The following SLX4 variants were observed in gnomAD, a reference collection of about 807,000 sequenced individuals.
The protein encoded by SLX4 is structure-specific endonuclease subunit SLX4.
A neutral mutation model predicts 146.2 loss-of-function variants in SLX4; 112 were observed. The observed-to-expected ratio is 0.77, with a 90% CI of 0.66 to 0.90. SLX4 has a LOEUF of 0.90. Among genes scored for constraint, SLX4 ranks in the 40% least tolerant of loss-of-function variants. The pLI, the probability that SLX4 is intolerant of heterozygous loss-of-function variation, is 0.00. For missense variants in SLX4, 2,563 were observed against 2,392.7 expected, an observed-to-expected ratio of 1.07 and a Z score of -1.49; for synonymous variants, 1,061 against 997.7, an observed-to-expected ratio of 1.06 and a Z score of -1.20.
chr16:3,584,944 G>T lies in SLX4; in HGVS notation c.4637-73C>A. The T allele has an allele frequency of 2.8e-6, 3 of 1,072,916 alleles. No individual in the cohort carries two copies. The South Asian group carries it at 3.7e-5, about 13-fold the overall frequency. The allele number at this position is 1,072,916 out of a possible 1,614,324, so 66.5% of individuals were successfully genotyped here. ...TTCCCACATCTGATCCCAGTAGCGT[G>T]ACCAAGAGGAATAATGCACTTGAAG... On this transcript the variant is annotated intron_variant, in intron 12 of 14. Coordinates refer to ENST00000294008, the MANE Select transcript of SLX4 (RefSeq NM_032444.4).
chr16:3,597,677 T>C lies in SLX4; in HGVS notation c.1385A>G (p.Lys462Arg), dbSNP rs112133511. Residue 462 changes from lysine to arginine, a missense_variant, in exon 7 of 15, where the codon AAG (lysine) becomes AGG (arginine). Transcript: ENST00000294008. The surrounding 1 kb of genome is among the most constrained non-coding windows in gnomAD (Gnocchi z 4.4). ...RPEAENKSRK[K>R]KPPVSPPLLL... The stretch of plus-strand genomic sequence containing the variant: ...CAATGGGGGGGATACCGGGGGTTTC[T>C]TCTTGCGACTTTTATTCTCTAGAGA... 1.9e-5 allele frequency: 30 copies of C among 1,613,946 alleles called. No individual in the cohort carries two copies. In the African/African-American group the frequency reaches 2.4e-4, roughly 13 times the overall value.
At chr16:3,602,404 G>C in intron 3 of SLX4, 97 bp from the exon 4 acceptor site, 1 of 1,453,374 alleles carries the variant, frequency 6.9e-7, no homozygotes, top group African/African-American at 1.4e-5. Flanking sequence ...ATGGGGAGCA[G>C]GTGGAACGCA....
intron 12 of SLX4, among the ~76,000 whole-genome samples, chr16:3,587,599 G>A (rs768743476): frequency 5.3e-4 from 81 of 152,282 alleles, no homozygotes; most frequent in Non-Finnish European, 6.2e-4. Context: ...TGGCCGCAGC[G>A]TCGTCCTGAA....
chr16:3,606,230 G>A (rs1001372407), intron 3 of SLX4, among the ~76,000 whole-genome samples: 12 of 152,020 alleles, frequency 7.9e-5, no homozygotes, highest in Non-Finnish European at 1.6e-4. Flanking sequence ...CAGCCTGGGT[G>A]ACAGAGCAAG....
chr16:3,583,571 C>T, intron 13 of SLX4, 61 bp from the exon 14 acceptor site: 1 of 1,588,220 alleles, frequency 6.3e-7, no homozygotes, highest in Non-Finnish European at 8.6e-7. Context: ...ACTCCACGTT[C>T]CCTATCTTAG....
Position 3,589,370 on chromosome 16 carries a change from A to G in SLX4, c.4268T>C (p.Ile1423Thr), listed in dbSNP as rs1056055996. The change falls in exon 12 of 15, where the codon ATT (isoleucine) becomes ACT (threonine). Residue 1423 changes from isoleucine to threonine, a missense_variant. By Grantham distance (89) the Ile-to-Thr change is moderately conservative (BLOSUM62 -1). Transcript: ENST00000294008. This position sits in a 1 kb window ranked among gnomAD's most constrained non-coding sequence, Gnocchi z 6.2. ...CTCCATGTGCCAGCAGCAGTCGTCA[A>G]TTGGAATTGGGGGGTCACTGTCCAG... The part of the protein sequence containing the change: ...PPLDSDPPIP[I>T]DDCCWHMEPL... 10 of 1,587,468 alleles carry G rather than the reference A, an allele frequency of 6.3e-6. No homozygotes were observed. In the African/African-American group the frequency reaches 9.5e-5, roughly 15 times the overall value.
chr16:3,606,080 C>T (rs926067997), intron 3 of SLX4, among the ~76,000 whole-genome samples: 5 of 151,336 alleles, frequency 3.3e-5, no homozygotes, highest in East Asian at 1.9e-4. Context: ...GCCAACTTGG[C>T]GAAACCCTGT....
intron 4 of SLX4, chr16:3,601,529 A>C: frequency 2.6e-6 from 1 of 384,564 alleles, no homozygotes; most frequent in Non-Finnish European, 4.9e-6. Context: ...CCACAATCCC[A>C]AAGGGTAGAA....
Position 3,609,263 on chromosome 16 carries a change from C to T in SLX4, c.-299G>A, listed in dbSNP as rs746929953. On this transcript the variant is annotated 5_prime_UTR_variant, in exon 2 of 15. Coordinates refer to ENST00000294008, the MANE Select transcript of SLX4 (RefSeq NM_032444.4). ...TTCAACTGAAAATACAAAAAATTGGCCAGGCGTGGTAGCAGATGCCTGTAA... is the reference window on the plus strand; with the variant it reads ...TTCAACTGAAAATACAAAAAATTGGTCAGGCGTGGTAGCAGATGCCTGTAA... The T allele has an allele frequency of 1.1e-5, 4 of 348,824 alleles. No homozygotes were observed. The highest frequency in any genetic ancestry group is 1.7e-5 in the Non-Finnish European group (3 of 180,616). 21.6% of individuals were successfully genotyped at this position (348,824 alleles called of 1,614,324 possible).
intron 1 of SLX4, among the ~76,000 whole-genome samples, chr16:3,610,587 T>G (rs1352079764): frequency 6.6e-6 from 1 of 152,196 alleles, no homozygotes; most frequent in Non-Finnish European, 1.5e-5. Flanking sequence ...CTAAAGCCAG[T>G]TCAGGAACAG....
At position 3,583,334 on chromosome 16, in the gene SLX4, G is replaced by C. The variant is rs200899425; in HGVS notation, c.4916C>G (p.Ala1639Gly). ...GGCCTCCTGCTGGGCATGGACCCCT[G>C]CCCTTGAAGGCTTGTAGGTCTGGGA... ...LASQTYKPSRAGVHAQQEATT... is the reference protein window; with the variant it reads ...LASQTYKPSRGGVHAQQEATT... The change falls in exon 14 of 15, where the codon GCA (alanine) becomes GGA (glycine). Residue 1639 changes from alanine (A) to glycine (G), a missense_variant. By Grantham distance (60) the Ala-to-Gly change is moderately conservative (BLOSUM62 0). Transcript: ENST00000294008. 6 of 1,613,894 alleles carry C rather than the reference G, an allele frequency of 3.7e-6. No homozygotes were observed. The African/African-American group carries it at 8.0e-5, about 22-fold the overall frequency.
chr16:3,584,438 C>T (rs1165823316), intron 13 of SLX4, among the ~76,000 whole-genome samples: 1 of 152,122 alleles, frequency 6.6e-6, no homozygotes, highest in Non-Finnish European at 1.5e-5. Context: ...AAAAATCAGA[C>T]CTCCTCACTC....
rs2040734821 is a variant in SLX4 at position 3,602,204 on chromosome 16, C to T, written c.864G>A (p.Leu288=). 1 of 1,614,180 alleles carries T rather than the reference C, an allele frequency of 6.2e-7. No individual in the cohort carries two copies. The highest frequency in any genetic ancestry group is 8.5e-7 in the Non-Finnish European group (1 of 1,180,038). ...GGCAGAAGAACAAACCCTTTTCCTCCAGGCTATCATCATGTGCCGATGCTC... is the reference window on the plus strand; with the variant it reads ...GGCAGAAGAACAAACCCTTTTCCTCTAGGCTATCATCATGTGCCGATGCTC... The part of the protein sequence containing the change: ...RVGASAHDDS[L]EEKGLFFCQI... The change falls in exon 4 of 15, where the codon CTG becomes CTA. Residue 288 remains leucine (L), a synonymous_variant. Transcript: ENST00000294008.
At chr16:3,584,012 TAAAC>T (rs147922045) in intron 13 of SLX4, among the ~76,000 whole-genome samples, 1,543 of 151,088 alleles carry the variant, frequency 0.01, 25 homozygotes, top group African/African-American at 0.035. Context: ...AAATAAAAAA[TAAAC>T]AAAAGATATG....
In SLX4 at chr16:3,600,224, G is replaced by A. The variant is rs1412451016; in HGVS notation, c.1163+755C>T. Among the ~76,000 whole-genome samples, 3 of 152,310 alleles carry A rather than the reference G, an allele frequency of 2.0e-5. 1 individual carries two copies. Among genetic ancestry groups the A allele is most frequent in the South Asian group, 4.1e-4 (2 of 4,830 alleles). On this transcript the variant is annotated intron_variant, in intron 5 of 14. Transcript: ENST00000294008. ...GGGTTTGTGTTCCTGTGAGTCTAAT[G>A]CCACCACTGATCTGACAGGAGGCGG...
In SLX4 at chr16:3,583,077, C is replaced by T; in HGVS notation, c.5153+20G>A. The T allele has an allele frequency of 6.2e-7, 1 of 1,614,184 alleles. No homozygotes were observed. Among genetic ancestry groups the T allele is most frequent in the Non-Finnish European group, 8.5e-7 (1 of 1,179,986 alleles). ...AGAGGATACATGAGGCCACTGACCC[C>T]ATCGCATCCATCCGGTTACCTCTGT... On this transcript the variant is annotated intron_variant, in intron 14 of 14. Coordinates refer to ENST00000294008, the MANE Select transcript of SLX4 (RefSeq NM_032444.4).
chr16:3,593,314 T>C (rs1056185709), intron 10 of SLX4, among the ~76,000 whole-genome samples: 1 of 152,220 alleles, frequency 6.6e-6, no homozygotes, highest in African/African-American at 2.4e-5. Context: ...CCTCAGGTGA[T>C]CCACCCTCCT....
chr16:3,608,452 G>T lies in SLX4; in HGVS notation c.513C>A (p.Asn171Lys). ...TACCTCTGGTTTTCTCTCTGGAAAG[G>T]TTTGGCGATGGTTCTTGCTGGTTAC... ...QTGNQQEPSP[N>K]LSREKTRENV... The change falls in exon 2 of 15, where the codon AAC becomes AAA. Residue 171 changes from asparagine to lysine, a missense_variant. Physicochemically the swap from Asn to Lys is moderately conservative, Grantham distance 94. Transcript: ENST00000294008. 6.2e-7 allele frequency: 1 copy of T among 1,614,198 alleles called. No individual in the cohort carries two copies. Among genetic ancestry groups the T allele is most frequent in the Non-Finnish European group, 8.5e-7 (1 of 1,180,048 alleles).
At chr16:3,611,191 C>G (rs1308246748) in intron 1 of SLX4, among the ~76,000 whole-genome samples, 1 of 152,244 alleles carries the variant, frequency 6.6e-6, no homozygotes, top group Admixed American at 6.5e-5. Flanking sequence ...GCGGACCCTC[C>G]CGCTTCCCCC....
Sources: allele counts gnomAD v4.1 joint callset (sites outside exome capture counted in the v4.1 genomes callset), GRCh38; gene constraint gnomAD v4.1.1; non-coding constraint Gnocchi (gnomAD v3.1); transcripts MANE v1.5; gene names NCBI Gene and HGNC (gene_info 2026-07-23, HGNC 2026-07-21).